The following TANGO6 variants were observed in gnomAD, a reference collection of about 807,000 sequenced individuals.
TANGO6 encodes the protein transport and golgi organization 6 homolog.
A neutral mutation model predicts 114.2 loss-of-function variants in TANGO6; 90 were observed. The ratio of observed to expected loss-of-function variants is 0.79; its 90% confidence interval spans 0.66 to 0.94. The LOEUF (loss-of-function observed/expected upper bound fraction) is 0.94, where lower values mean the gene tolerates loss of function less well. Among genes scored for constraint, TANGO6 ranks in the 40% least tolerant of loss-of-function variants. The pLI, the probability that TANGO6 is intolerant of heterozygous loss-of-function variation, is 0.00. For synonymous variants in TANGO6, 477 were observed against 509.8 expected, an observed-to-expected ratio of 0.94 and a Z score of 0.87; for missense variants, 1,274 against 1,315.3, an observed-to-expected ratio of 0.97 and a Z score of 0.49.
intron 15 of TANGO6, among the ~76,000 whole-genome samples, chr16:68,982,629 C>CATTTTTT (rs1567553024): frequency 5.0e-5 from 6 of 120,530 alleles, no homozygotes; most frequent in African/African-American, 2.4e-4. Flanking sequence ...CATGCCCTGG[C>CATTTTTT]CTTTTTTTTT....
At chr16:68,942,458 T>C (rs1413056005) in intron 14 of TANGO6, among the ~76,000 whole-genome samples, 1 of 152,036 alleles carries the variant, frequency 6.6e-6, no homozygotes, top group East Asian at 1.9e-4. Context: ...ACCGAAAAGG[T>C]AAAGAAAAAC....
chr16:69,073,563 G>A (rs1285177399), intron 17 of TANGO6, among the ~76,000 whole-genome samples: 1 of 152,204 alleles, frequency 6.6e-6, no homozygotes, highest in African/African-American at 2.4e-5. Context: ...GTAATCATGA[G>A]GCAATAGCGG....
At chr16:68,892,778 G>T (rs555497530) in intron 7 of TANGO6, among the ~76,000 whole-genome samples, 1 of 152,272 alleles carries the variant, frequency 6.6e-6, no homozygotes, top group African/African-American at 2.4e-5. Flanking sequence ...GCCTCCCAAA[G>T]TGCTGGGATT....
At chr16:68,961,838 A>C (rs1198363372) in intron 14 of TANGO6, among the ~76,000 whole-genome samples, 1 of 152,250 alleles carries the variant, frequency 6.6e-6, no homozygotes, top group Non-Finnish European at 1.5e-5. Context: ...GCTGATTAAG[A>C]TAATCACCAA....
chr16:69,045,043 C>G (rs1488481756), intron 17 of TANGO6, among the ~76,000 whole-genome samples: 1 of 151,370 alleles, frequency 6.6e-6, no homozygotes, highest in Non-Finnish European at 1.5e-5. Flanking sequence ...ACTTGTAATC[C>G]CAGTTCGGGA....
intron 15 of TANGO6, among the ~76,000 whole-genome samples, chr16:68,980,435 A>ATATATATATTTTTTT (rs1317961639): frequency 3.2e-5 from 2 of 61,778 alleles, no homozygotes; most frequent in African/African-American, 1.4e-4. Context: ...ATATATATAT[A>ATATATATATTTTTTT]TTTTTTTTTT....
At chr16:68,970,135 G>A (rs572426786) in intron 14 of TANGO6, among the ~76,000 whole-genome samples, 1 of 152,146 alleles carries the variant, frequency 6.6e-6, no homozygotes, top group Non-Finnish European at 1.5e-5. Context: ...CACACCTGGA[G>A]GGGGAGAAAG....
rs71148961 is a variant in TANGO6 at position 69,056,997 on chromosome 16, C to CTTT, written c.3108+16603_3108+16605dup. ...GCCCAGCCTTGAATGGCCTGATTTT[C>CTTT]TTTTTTTTTTTTTTTTTTTTTTTTT... On this transcript the variant is annotated intron_variant, in intron 17 of 17. Transcript: ENST00000261778. Among the ~76,000 whole-genome samples the CTTT allele has an allele frequency of 1.3e-3, 76 of 59,876 alleles. 5 individuals carry two copies. The highest frequency in any genetic ancestry group is 2.2e-3 in the African/African-American group (32 of 14,774). 39.3% of individuals were successfully genotyped at this position (59,876 alleles called of 152,430 possible).
Position 68,862,983 on chromosome 16 carries a change from C to G in TANGO6, c.774C>G (p.Ala258=), listed in dbSNP as rs767663141. 2.5e-6 allele frequency: 4 copies of G among 1,600,156 alleles called. No individual in the cohort carries two copies. In the African/African-American group the frequency reaches 5.4e-5, roughly 21 times the overall value. ...AGGAGAGAACCCTATCCAGGGGGGCCTTGAGAGACATGCTGGATCAAGTCT... is the reference window on the plus strand; with the variant it reads ...AGGAGAGAACCCTATCCAGGGGGGCGTTGAGAGACATGCTGGATCAAGTCT... ...TEEERTLSRG[A]LRDMLDQVYQ... is the part of the protein sequence containing the mutation. The change falls in exon 3 of 18, where the codon GCC becomes GCG. Residue 258 remains alanine, a synonymous_variant. Transcript: ENST00000261778.
chr16:68,936,604 G>T (rs752263721), intron 14 of TANGO6, among the ~76,000 whole-genome samples: 2 of 152,060 alleles, frequency 1.3e-5, no homozygotes, highest in Non-Finnish European at 2.9e-5. Flanking sequence ...TGAAGTGCTG[G>T]GATTACAGGC....
chr16:68,877,451 G>A (rs1962382648), intron 5 of TANGO6, among the ~76,000 whole-genome samples: 1 of 144,878 alleles, frequency 6.9e-6, no homozygotes, highest in Non-Finnish European at 1.5e-5. Flanking sequence ...CTGGGCGGCA[G>A]GGTGAGACTC....
At chr16:68,881,462 C>T (rs763468768) in intron 7 of TANGO6, among the ~76,000 whole-genome samples, 3 of 152,050 alleles carry the variant, frequency 2.0e-5, no homozygotes, top group African/African-American at 4.8e-5. Context: ...TGCAGTGTGC[C>T]GATATCATGC....
chr16:69,079,892 T>A (rs1045380748), intron 17 of TANGO6, among the ~76,000 whole-genome samples: 3 of 152,242 alleles, frequency 2.0e-5, no homozygotes, highest in Admixed American at 2.0e-4. Context: ...GTCCTACAGA[T>A]ATACTTGTAC....
chr16:69,023,758 T>C (rs1959452724), intron 16 of TANGO6, among the ~76,000 whole-genome samples: 1 of 151,984 alleles, frequency 6.6e-6, no homozygotes, highest in African/African-American at 2.4e-5. Context: ...AACGCTTAAG[T>C]TCCATATTTT....
Position 68,939,599 on chromosome 16 carries a change from A to T in TANGO6, c.2701+9304A>T, listed in dbSNP as rs925991269. On this transcript the variant is annotated intron_variant, in intron 14 of 17. Transcript: ENST00000261778. The stretch of plus-strand genomic sequence containing the variant: ...GGAATTTTTTTTTTTTTTTTTTGCC[A>T]TAAAGCATGGATATTTTATTCTAGG... Among the ~76,000 whole-genome samples the T allele has an allele frequency of 8.2e-5, 12 of 146,128 alleles. No individual in the cohort carries two copies. The South Asian group carries it at 2.1e-3, about 26-fold the overall frequency.
In TANGO6 at chr16:68,849,333, C is replaced by CAA. The variant is rs376441116; in HGVS notation, c.94+5630_94+5631dup. On this transcript the variant is annotated intron_variant, in intron 1 of 17. Coordinates refer to ENST00000261778, the MANE Select transcript of TANGO6 (RefSeq NM_024562.2). ...TGGGCGACAAAGTGAGACCCTGTCCCAAAAAAAAAGAAATTATCATTGGCT... is the reference window on the plus strand; with the variant it reads ...TGGGCGACAAAGTGAGACCCTGTCCCAAAAAAAAAAAGAAATTATCATTGGCT... Among the ~76,000 whole-genome samples the CAA allele has an allele frequency of 6.8e-4, 102 of 149,632 alleles. 1 individual carries two copies. The highest frequency in any genetic ancestry group is 2.5e-3 in the African/African-American group (102 of 40,812).
At chr16:68,952,142 A>G (rs539779736) in intron 14 of TANGO6, among the ~76,000 whole-genome samples, 51 of 152,326 alleles carry the variant, frequency 3.3e-4, no homozygotes, top group Non-Finnish European at 5.7e-4. Context: ...TTTACAAGCT[A>G]TTAAGGAGGT....
chr16:68,850,760 A>G (rs947913080), intron 1 of TANGO6, among the ~76,000 whole-genome samples: 11 of 152,212 alleles, frequency 7.2e-5, no homozygotes, highest in Admixed American at 1.3e-4. Context: ...ACTGTGTTCC[A>G]GTAAAACCTT....
intron 1 of TANGO6, among the ~76,000 whole-genome samples, chr16:68,858,494 G>GT (rs1451408877): frequency 9.2e-5 from 14 of 152,130 alleles, no homozygotes; most frequent in Non-Finnish European, 1.8e-4. Flanking sequence ...ATATTGTTTG[G>GT]TTTTTGGCAT....
Sources: allele counts gnomAD v4.1 joint callset (sites outside exome capture counted in the v4.1 genomes callset), GRCh38; gene constraint gnomAD v4.1.1; transcripts MANE v1.5; gene names NCBI Gene and HGNC (gene_info 2026-07-23, HGNC 2026-07-21).